WNT7A: variants seen among roughly 807,000 people sequenced by gnomAD.
The protein encoded by WNT7A is Wnt family member 7A.
In WNT7A, 16 loss-of-function variants were observed where a neutral mutation model predicts 28.2. That is an observed-to-expected ratio of 0.57 (90% CI 0.38 to 0.86). The LOEUF (loss-of-function observed/expected upper bound fraction) is 0.86, where lower values mean the gene tolerates loss of function less well. Among genes scored for constraint, WNT7A ranks in the 40% least tolerant of loss-of-function variants. WNT7A has a pLI of 0.00. For synonymous variants in WNT7A, 190 were observed against 195.9 expected, an observed-to-expected ratio of 0.97 and a Z score of 0.25; for missense variants, 411 against 489.7, an observed-to-expected ratio of 0.84 and a Z score of 1.52.
intron 3 of WNT7A, 102 bp downstream of exon 3, chr3:13,854,430 G>T: frequency 1.3e-6 from 2 of 1,582,986 alleles, no homozygotes; most frequent in Non-Finnish European, 8.6e-7. Context: ...TGAGGGCAGA[G>T]CCCTGTGGCT....
At position 13,818,943 on chromosome 3, in the gene WNT7A, C is replaced by A. The variant is rs766825291; in HGVS notation, c.*1G>T. 1 of 1,565,822 alleles carries A rather than the reference C, an allele frequency of 6.4e-7. No homozygotes were observed. The highest frequency in any genetic ancestry group is 8.7e-7 in the Non-Finnish European group (1 of 1,149,978). On this transcript the variant is annotated 3_prime_UTR_variant, in exon 4 of 4. Transcript: ENST00000285018. ...GCGGGAGGGTGGTGTGCACACGGGG[C>A]TCACTTGCACGTGTACATCTCCGTG...
At chr3:13,856,905 G>GAAA (rs1559303218) in intron 2 of WNT7A, among the ~76,000 whole-genome samples, 3 of 65,940 alleles carry the variant, frequency 4.5e-5, no homozygotes, top group Non-Finnish European at 8.7e-5. Context: ...AGAAGAAGAA[G>GAAA]AAGAAGAAGA....
intron 3 of WNT7A, among the ~76,000 whole-genome samples, chr3:13,828,056 A>G (rs1049485675): frequency 5.9e-5 from 9 of 152,166 alleles, no homozygotes; most frequent in African/African-American, 2.2e-4. Flanking sequence ...GAGCTTTGCA[A>G]ACAGAGAGTC....
At chr3:13,852,215 T>A (rs551884637) in intron 3 of WNT7A, among the ~76,000 whole-genome samples, 190 of 150,862 alleles carry the variant, frequency 1.3e-3, no homozygotes, top group African/African-American at 4.4e-3. Flanking sequence ...CACCCCAGCC[T>A]CCCCGCTTCC....
At chr3:13,849,898 G>T (rs747214090) in intron 3 of WNT7A, among the ~76,000 whole-genome samples, 3 of 152,344 alleles carry the variant, frequency 2.0e-5, no homozygotes, top group African/African-American at 7.2e-5. Flanking sequence ...GGAAGGTGGT[G>T]TGTGTGGGAG....
chr3:13,835,285 G>A (rs927925988), intron 3 of WNT7A, among the ~76,000 whole-genome samples: 6 of 152,218 alleles, frequency 3.9e-5, no homozygotes, highest in East Asian at 1.9e-4. Flanking sequence ...CTAGAGACCT[G>A]AGCAGAAAGG....
At chr3:13,842,909 G>A (rs1694484740) in intron 3 of WNT7A, among the ~76,000 whole-genome samples, 1 of 152,194 alleles carries the variant, frequency 6.6e-6, no homozygotes, top group Non-Finnish European at 1.5e-5. Context: ...GGAATGTGGT[G>A]TGTACTTGGG....
At chr3:13,865,269 C>T (rs1005433623) in intron 2 of WNT7A, among the ~76,000 whole-genome samples, 1 of 152,288 alleles carries the variant, frequency 6.6e-6, no homozygotes, top group East Asian at 1.9e-4. Context: ...GGGAGTATAA[C>T]ATGCTGAGTT....
At chr3:13,879,258 G>T (rs1695167772) in intron 1 of WNT7A, among the ~76,000 whole-genome samples, 1 of 152,236 alleles carries the variant, frequency 6.6e-6, no homozygotes. Context: ...CTGTTTGCAC[G>T]GACCGGCCCC....
intron 3 of WNT7A, among the ~76,000 whole-genome samples, chr3:13,832,361 C>T (rs992921033): frequency 4.1e-4 from 62 of 151,112 alleles, no homozygotes; most frequent in Admixed American, 2.2e-3. Flanking sequence ...GCTCCTCATC[C>T]TCCACAGGCT....
In WNT7A at chr3:13,818,351, C is replaced by CGAAAAAAAAAAAAAAAAAAAAAAAAAAA. The variant is rs575789769; in HGVS notation, c.*592_*593insTTTTTTTTTTTTTTTTTTTTTTTTTTTC. 1 of 79,948 alleles carries CGAAAAAAAAAAAAAAAAAAAAAAAAAAA rather than the reference C, an allele frequency of 1.3e-5. No individual in the cohort carries two copies. Among genetic ancestry groups the CGAAAAAAAAAAAAAAAAAAAAAAAAAAA allele is most frequent in the Non-Finnish European group, 2.5e-5 (1 of 40,526 alleles). The allele number at this position is 79,948 out of a possible 1,614,324, so 5.0% of individuals were successfully genotyped here. On this transcript the variant is annotated 3_prime_UTR_variant, in exon 4 of 4. Transcript: ENST00000285018. ...TTTCTGGATAAGTAGCAGCAAACAG[C>CGAAAAAAAAAAAAAAAAAAAAAAAAAAA]AAAAAAAAAAAAAAAAATGTGTGTG...
At chr3:13,836,949 T>C (rs1319024000) in intron 3 of WNT7A, among the ~76,000 whole-genome samples, 1 of 152,054 alleles carries the variant, frequency 6.6e-6, no homozygotes, top group Non-Finnish European at 1.5e-5. Flanking sequence ...AGTTGGGACC[T>C]GAAGGGAGGC....
intron 1 of WNT7A, chr3:13,877,171 A>G (rs1270083926): frequency 6.6e-6 from 1 of 152,256 alleles, no homozygotes; most frequent in African/African-American, 2.4e-5. Context: ...ACTATGTGCC[A>G]AGGCAGTATG....
At chr3:13,843,944 C>G (rs534187594) in intron 3 of WNT7A, among the ~76,000 whole-genome samples, 2 of 152,264 alleles carry the variant, frequency 1.3e-5, no homozygotes, top group African/African-American at 2.4e-5. Flanking sequence ...ATGGGTTTCT[C>G]CATGTTGGCC....
chr3:13,834,935 C>T (rs574111617), intron 3 of WNT7A, among the ~76,000 whole-genome samples: 31 of 151,888 alleles, frequency 2.0e-4, no homozygotes, highest in African/African-American at 4.8e-4. Flanking sequence ...AGGAACATAG[C>T]GGGTGCTCAG....
At chr3:13,849,477 G>A (rs1383769368) in intron 3 of WNT7A, among the ~76,000 whole-genome samples, 4 of 152,190 alleles carry the variant, frequency 2.6e-5, no homozygotes, top group African/African-American at 9.7e-5. Context: ...GACAGAGCAA[G>A]CACTTGCCAT....
intron 3 of WNT7A, among the ~76,000 whole-genome samples, chr3:13,839,485 A>T (rs1361997963): frequency 1.3e-5 from 2 of 152,208 alleles, no homozygotes; most frequent in African/African-American, 4.8e-5. Flanking sequence ...CCTCACCAGG[A>T]AGTGCACACA....
intron 2 of WNT7A, among the ~76,000 whole-genome samples, chr3:13,855,637 C>T (rs769993054): frequency 2.0e-5 from 3 of 152,144 alleles, no homozygotes; most frequent in Admixed American, 6.5e-5. Context: ...GCTGCCACCT[C>T]GCCTCTTAGC....
chr3:13,859,675 C>T (rs971599034), intron 2 of WNT7A, among the ~76,000 whole-genome samples: 8 of 152,188 alleles, frequency 5.3e-5, no homozygotes, highest in African/African-American at 1.2e-4. Flanking sequence ...ATGGCCCTTG[C>T]TGTGTCCTCA....
Sources: allele counts gnomAD v4.1 joint callset (sites outside exome capture counted in the v4.1 genomes callset), GRCh38; gene constraint gnomAD v4.1.1; transcripts MANE v1.5; gene names NCBI Gene and HGNC (gene_info 2026-07-23, HGNC 2026-07-21).